The following VPS13B variants were observed in gnomAD, a reference collection of about 807,000 sequenced individuals.
VPS13B encodes the protein intermembrane lipid transfer protein VPS13B.
In VPS13B, 285 loss-of-function variants were observed where a neutral mutation model predicts 426.4. That is an observed-to-expected ratio of 0.67 (90% CI 0.61 to 0.74). The LOEUF (loss-of-function observed/expected upper bound fraction) is 0.74, where lower values mean the gene tolerates loss of function less well. VPS13B is among the 30% of genes least tolerant of loss of function. VPS13B has a pLI of 0.00. For synonymous variants in VPS13B, 1,676 were observed against 1,676.4 expected (o/e 1.00, Z 0.01); for missense variants, 4,537 against 4,782.6 (o/e 0.95, Z 1.51).
intron 3 of VPS13B, among the ~76,000 whole-genome samples, chr8:99,040,871 A>G (rs1295667378): frequency 1.3e-5 from 2 of 152,186 alleles, no homozygotes; most frequent in Non-Finnish European, 2.9e-5. Context: ...CATTCCAAAA[A>G]TAAGATTTTG....
chr8:99,302,086 G>C (rs1050417177), intron 19 of VPS13B, among the ~76,000 whole-genome samples: 5 of 152,182 alleles, frequency 3.3e-5, no homozygotes, highest in Non-Finnish European at 7.3e-5. Context: ...TCTAAGAAAG[G>C]AGGGGCATCA....
At chr8:99,299,755 C>T (rs1206586654) in intron 19 of VPS13B, among the ~76,000 whole-genome samples, 2 of 151,852 alleles carry the variant, frequency 1.3e-5, no homozygotes, top group African/African-American at 2.4e-5. Flanking sequence ...ACTAAAAATA[C>T]AAAAATTAGC....
Position 99,365,009 on chromosome 8 carries a change from G to A in VPS13B, c.2825-19199G>A, listed in dbSNP as rs937472721. Among the ~76,000 whole-genome samples, 10 of 152,060 alleles carry A rather than the reference G, an allele frequency of 6.6e-5. No homozygotes were observed. The East Asian group carries it at 1.9e-3, about 29-fold the overall frequency. On this transcript the variant is annotated intron_variant, in intron 19 of 61. Transcript: ENST00000357162. ...TTTCTTCATGCTTCAGTCTTGGTAGGTTACATGTAACAAGGAATTTATCCA... is the reference window on the plus strand; with the variant it reads ...TTTCTTCATGCTTCAGTCTTGGTAGATTACATGTAACAAGGAATTTATCCA...
At chr8:99,249,765 G>C (rs1441403750) in intron 17 of VPS13B, among the ~76,000 whole-genome samples, 1 of 152,184 alleles carries the variant, frequency 6.6e-6, no homozygotes, top group African/African-American at 2.4e-5. Flanking sequence ...TTGGGGCCAG[G>C]CATGATGGCT....
chr8:99,206,937 G>T (rs186633925), intron 17 of VPS13B, among the ~76,000 whole-genome samples: 6 of 152,060 alleles, frequency 3.9e-5, no homozygotes, highest in African/African-American at 1.4e-4. Context: ...ACAGGCATTG[G>T]CTATACATTT....
chr8:99,076,394 CA>C (rs1845122989), intron 3 of VPS13B, among the ~76,000 whole-genome samples: 1 of 152,112 alleles, frequency 6.6e-6, no homozygotes, highest in Admixed American at 6.6e-5. Flanking sequence ...GTGCAGTTTA[CA>C]TCTGATTTTT....
intron 30 of VPS13B, among the ~76,000 whole-genome samples, chr8:99,532,438 G>A (rs929256689): frequency 1.3e-5 from 2 of 152,076 alleles, no homozygotes; most frequent in African/African-American, 4.8e-5. Flanking sequence ...TCTGAAAGGT[G>A]TACCCTGTTC....
At chr8:99,664,251 C>T (rs1830362356) in intron 35 of VPS13B, among the ~76,000 whole-genome samples, 1 of 151,874 alleles carries the variant, frequency 6.6e-6, no homozygotes, top group African/African-American at 2.4e-5. Flanking sequence ...ATGATCCGCC[C>T]ACCTTGGCCT....
chr8:99,434,375 G>A (rs573744499), intron 22 of VPS13B, among the ~76,000 whole-genome samples: 45 of 152,150 alleles, frequency 3.0e-4, no homozygotes, highest in South Asian at 4.2e-4. Flanking sequence ...CTTTTATTGC[G>A]GCTTTTTGAG....
Position 99,820,097 on chromosome 8 carries a change from A to G in VPS13B, c.8969A>G (p.Lys2990Arg), listed in dbSNP as rs1204191207. Residue 2990 changes from lysine (K) to arginine (R), a missense_variant, in exon 49 of 62, where the codon AAA (lysine) becomes AGA (arginine). By Grantham distance (26) the Lys-to-Arg change is conservative (BLOSUM62 2). Coordinates refer to ENST00000357162, the MANE Select transcript of VPS13B (RefSeq NM_152564.5). ...EKIVLQVPAG[K>R]IIIPPNFQEA... ...ATTGTTCTACAGGTTCCTGCTGGCA[A>G]AATTATTATTCCTCCTAATTTTCAG... The G allele has an allele frequency of 1.2e-6, 2 of 1,613,912 alleles. No individual in the cohort carries two copies. Among genetic ancestry groups the G allele is most frequent in the Non-Finnish European group, 1.7e-6 (2 of 1,179,834 alleles).
intron 44 of VPS13B, among the ~76,000 whole-genome samples, chr8:99,816,449 G>T (rs1008834332): frequency 6.6e-6 from 1 of 152,074 alleles, no homozygotes; most frequent in African/African-American, 2.4e-5. Flanking sequence ...TCTCTTACCT[G>T]GGTGTAAAGT....
intron 12 of VPS13B, among the ~76,000 whole-genome samples, chr8:99,137,059 A>G (rs1210508813): frequency 1.3e-5 from 2 of 152,150 alleles, no homozygotes; most frequent in Non-Finnish European, 2.9e-5. Context: ...AAAAGAATAA[A>G]CCTTTTCTAT....
chr8:99,614,440 G>A (rs537141163), intron 33 of VPS13B, among the ~76,000 whole-genome samples: 1 of 151,984 alleles, frequency 6.6e-6, no homozygotes, highest in East Asian at 1.9e-4. Flanking sequence ...ACCACACCCG[G>A]CTAATTTTGT....
chr8:99,431,595 A>C lies in VPS13B; in HGVS notation c.3141A>C (p.Arg1047Ser). ...TGTTGAATATATCTGAAAGCTGTAGAAGTCCTGAAGAAAGAATGAAGGAAT... is the reference window on the plus strand; with the variant it reads ...TGTTGAATATATCTGAAAGCTGTAGCAGTCCTGAAGAAAGAATGAAGGAAT... ...KAMLNISESCRSPEERMKEFI... is the reference protein window; with the variant it reads ...KAMLNISESCSSPEERMKEFI... Residue 1047 changes from arginine to serine, a missense_variant, in exon 22 of 62, where the codon AGA becomes AGC. Physicochemically the swap from Arg to Ser is moderately radical, Grantham distance 110 (BLOSUM62 -1). This residue lies in a region of VPS13B where 4,311 missense variants were observed against 4,474.3 expected (regional missense o/e 0.96). Transcript: ENST00000357162. 2 of 1,613,560 alleles carry C rather than the reference A, an allele frequency of 1.2e-6. No individual in the cohort carries two copies. The highest frequency in any genetic ancestry group is 8.5e-7 in the Non-Finnish European group (1 of 1,179,746).
At chr8:99,665,450 A>G (rs1373752920) in intron 35 of VPS13B, among the ~76,000 whole-genome samples, 1 of 152,182 alleles carries the variant, frequency 6.6e-6, no homozygotes, top group Non-Finnish European at 1.5e-5. Context: ...TTATGGTTTT[A>G]GATCTAACAT....
chr8:99,320,451 G>A (rs1809916385), intron 19 of VPS13B, among the ~76,000 whole-genome samples: 1 of 152,046 alleles, frequency 6.6e-6, no homozygotes, highest in Non-Finnish European at 1.5e-5. Flanking sequence ...GCCAATTAAT[G>A]TTGATATATT....
At chr8:99,835,819 A>G (rs1374185334) in intron 54 of VPS13B, 81 bp downstream of exon 54, 1 of 1,381,166 alleles carries the variant, frequency 7.2e-7, no homozygotes, top group African/African-American at 1.4e-5. Flanking sequence ...ATTTTTAAAC[A>G]TAATTTTCTA....
At chr8:99,473,952 T>TA (rs1425022634) in intron 24 of VPS13B, among the ~76,000 whole-genome samples, 1 of 152,148 alleles carries the variant, frequency 6.6e-6, no homozygotes, top group Non-Finnish European at 1.5e-5. Flanking sequence ...CTAAGACCTC[T>TA]ATCCTGAAAA....
chr8:99,172,425 G>A (rs12550128), intron 16 of VPS13B, among the ~76,000 whole-genome samples: 27,596 of 151,872 alleles, frequency 0.18, 2,965 homozygotes, highest in East Asian at 0.38. Flanking sequence ...AGTTCATGAC[G>A]GTCCTGTGAG....
Sources: gnomAD v4.1 joint callset for allele counts (sites outside exome capture counted in the v4.1 genomes callset) on GRCh38, gnomAD v4.1.1 for gene constraint, gnomAD v4.1.1 regional missense constraint, MANE v1.5 for transcripts, NCBI Gene and HGNC (gene_info 2026-07-23, HGNC 2026-07-21) for gene names.